FGD4: variants seen among roughly 807,000 people sequenced by gnomAD.
The protein encoded by FGD4 is FYVE, RhoGEF and PH domain containing 4, also known as FYVE, RhoGEF and PH domain-containing protein 4.
Under a neutral mutation model 102.0 loss-of-function variants are expected in FGD4, and 42 were observed. That is an observed-to-expected ratio of 0.41 (90% CI 0.32 to 0.53). FGD4 has a LOEUF of 0.53. Ranked by LOEUF, FGD4 falls within the 20% of genes least tolerant of loss-of-function variation. The pLI is 0.21. For synonymous variants in FGD4, 380 were observed against 375.7 expected (o/e 1.01, Z -0.13); for missense variants, 902 against 1,078.2 (o/e 0.84, Z 2.29).
chr12:32,582,204 G>C lies in FGD4; in HGVS notation c.748G>C (p.Asp250His). 1 of 1,614,244 alleles carries C rather than the reference G, an allele frequency of 6.2e-7. No individual in the cohort carries two copies. The highest frequency in any genetic ancestry group is 8.5e-7 in the Non-Finnish European group (1 of 1,180,040). The change falls in exon 4 of 17, where the codon GAT (aspartate) becomes CAT (histidine). Residue 250 changes from aspartate (D) to histidine (H), a missense_variant. Transcript: ENST00000534526. Reference protein sequence around the residue: ...EEEKAATLSSDTSIQASEPLL... With the variant: ...EEEKAATLSSHTSIQASEPLL... ...GGAGAAAGCTGCCACTCTTAGCTCA[G>C]ATACTTCTATTCAAGCTTCTGAACC... is the stretch of plus-strand genomic sequence containing the variant.
At chr12:32,626,833 AT>A (rs1282877706) in intron 14 of FGD4, among the ~76,000 whole-genome samples, 17 of 151,852 alleles carry the variant, frequency 1.1e-4, no homozygotes, top group African/African-American at 3.6e-4. Context: ...ATATCTATTT[AT>A]TTGGTTTTTT....
intron 1 of FGD4, among the ~76,000 whole-genome samples, chr12:32,502,671 G>A (rs917502657): frequency 1.3e-5 from 2 of 152,030 alleles, no homozygotes; most frequent in African/African-American, 4.8e-5. Flanking sequence ...GGCCCCAAAC[G>A]TGTTCAATGC....
At chr12:32,460,718 G>A (rs1219821348) in intron 1 of FGD4, among the ~76,000 whole-genome samples, 1 of 152,196 alleles carries the variant, frequency 6.6e-6, no homozygotes, top group Non-Finnish European at 1.5e-5. Flanking sequence ...TTAGATTCTA[G>A]TAGGTACCAG....
chr12:32,538,657 A>C (rs1805180186), intron 1 of FGD4, among the ~76,000 whole-genome samples: 1 of 152,200 alleles, frequency 6.6e-6, no homozygotes, highest in African/African-American at 2.4e-5. Flanking sequence ...CTGTGTCGTA[A>C]GACAGAAAAG....
intron 1 of FGD4, among the ~76,000 whole-genome samples, chr12:32,473,670 C>T (rs1005168307): frequency 1.3e-5 from 2 of 152,198 alleles, no homozygotes; most frequent in African/African-American, 4.8e-5. Context: ...CAGCTCATCT[C>T]AAACTGAAGA....
chr12:32,621,968 A>G (rs1592440934), intron 11 of FGD4, among the ~76,000 whole-genome samples: 1 of 151,546 alleles, frequency 6.6e-6, no homozygotes, highest in Non-Finnish European at 1.5e-5. Context: ...GCCCACTGCA[A>G]CCTCCATACC....
At chr12:32,403,257 C>T (rs1940766016) in intron 1 of FGD4, among the ~76,000 whole-genome samples, 1 of 152,126 alleles carries the variant, frequency 6.6e-6, no homozygotes, top group South Asian at 2.1e-4. Flanking sequence ...ATAAAGTGTA[C>T]CAACTGCATC....
At chr12:32,485,760 G>A in intron 1 of FGD4, 1 of 826,868 alleles carries the variant, frequency 1.2e-6, no homozygotes, top group Non-Finnish European at 1.5e-6. Flanking sequence ...TATTTTTAAA[G>A]GGAAGTTTGT....
intron 11 of FGD4, 66 bp downstream of exon 11, chr12:32,619,936 A>C: frequency 3.2e-6 from 5 of 1,577,722 alleles, no homozygotes; most frequent in Non-Finnish European, 4.3e-6. Context: ...ATTAAAATAG[A>C]ATGGCTCTGA....
At chr12:32,563,389 CATCTCAGACGATGG>C (rs1944853815) in intron 1 of FGD4, among the ~76,000 whole-genome samples, 1 of 151,134 alleles carries the variant, frequency 6.6e-6, no homozygotes, top group South Asian at 2.1e-4. Context: ...GTGCTCCCCA[CATCTCAGACGATGG>C]GCGGCCGGGC....
intron 1 of FGD4, among the ~76,000 whole-genome samples, chr12:32,423,387 C>G (rs150272818): frequency 1.3e-5 from 2 of 151,466 alleles, no homozygotes; most frequent in African/African-American, 4.8e-5. Flanking sequence ...GTGAGGAGAT[C>G]GAGACCATCC....
intron 1 of FGD4, among the ~76,000 whole-genome samples, chr12:32,417,224 A>G (rs567994007): frequency 2.0e-5 from 3 of 152,136 alleles, no homozygotes; most frequent in South Asian, 2.1e-4. Flanking sequence ...TTGAAGTACC[A>G]TTTAGCATTT....
chr12:32,631,503 CTTTT>C (rs1228901589), intron 14 of FGD4, among the ~76,000 whole-genome samples: 4 of 124,550 alleles, frequency 3.2e-5, no homozygotes, highest in Non-Finnish European at 6.6e-5. Flanking sequence ...GAGCAAACAG[CTTTT>C]TTTTTTTTTT....
intron 1 of FGD4, among the ~76,000 whole-genome samples, chr12:32,400,727 C>T (rs1226090198): frequency 6.6e-6 from 1 of 152,168 alleles, no homozygotes; most frequent in East Asian, 1.9e-4. Flanking sequence ...CCCTCCCCTC[C>T]TTTATGCGGT....
intron 1 of FGD4, among the ~76,000 whole-genome samples, 166 bp from the exon 2 acceptor site, chr12:32,563,971 G>A (rs1275523972): frequency 6.7e-6 from 1 of 149,094 alleles, no homozygotes; most frequent in Non-Finnish European, 1.5e-5. Context: ...GCTTCGGCTC[G>A]GCATCAGAGG....
intron 1 of FGD4, among the ~76,000 whole-genome samples, chr12:32,451,683 G>T (rs763517596): frequency 3.3e-5 from 5 of 151,562 alleles, no homozygotes; most frequent in Non-Finnish European, 5.9e-5. Context: ...GAGGCGGGTG[G>T]ATCACCCGAG....
chr12:32,413,542 G>A (rs1301376956), intron 1 of FGD4, among the ~76,000 whole-genome samples: 2 of 152,168 alleles, frequency 1.3e-5, no homozygotes, highest in African/African-American at 4.8e-5. Flanking sequence ...TTCAGAGGAA[G>A]GCACACTTTG....
rs1007944595 is a variant in FGD4 at position 32,491,150 on chromosome 12, A to C, written c.167-72987A>C. Among the ~76,000 whole-genome samples, 3 of 143,990 alleles carry C rather than the reference A, an allele frequency of 2.1e-5. 1 individual carries two copies. Among genetic ancestry groups the C allele is most frequent in the Non-Finnish European group, 3.0e-5 (2 of 65,884 alleles). 94.5% of individuals were successfully genotyped at this position (143,990 alleles called of 152,430 possible). A position where few individuals can be genotyped will look rare whatever the true frequency, so the allele number is the denominator to read the frequency against. Reference sequence around the variant, plus strand: ...TGCCAGTTAAAAAAAAAAAAAAAAAACAAAAAACTATAAAATTGGAAAGGT... The same window carrying C: ...TGCCAGTTAAAAAAAAAAAAAAAAACCAAAAAACTATAAAATTGGAAAGGT... On this transcript the variant is annotated intron_variant, in intron 1 of 16. Coordinates refer to ENST00000534526, the MANE Select transcript of FGD4 (RefSeq NM_001370298.3).
intron 1 of FGD4, among the ~76,000 whole-genome samples, chr12:32,474,880 G>A (rs532554245): frequency 6.6e-6 from 1 of 152,164 alleles, no homozygotes; most frequent in South Asian, 2.1e-4. Flanking sequence ...CTCCAGCCTG[G>A]GTGACAAAGC....
Sources: allele counts gnomAD v4.1 joint callset (sites outside exome capture counted in the v4.1 genomes callset), GRCh38; gene constraint gnomAD v4.1.1; transcripts MANE v1.5; gene names NCBI Gene and HGNC (gene_info 2026-07-23, HGNC 2026-07-21).